The following MPV17 variants were observed in gnomAD, a reference collection of about 807,000 sequenced individuals.
MPV17 encodes the protein mitochondrial inner membrane protein MPV17, also known as MPV17, mitochondrial inner membrane protein.
In MPV17, 31 loss-of-function variants were observed where a neutral mutation model predicts 28.6. That is an observed-to-expected ratio of 1.08 (90% CI 0.81 to 1.46). MPV17 has a LOEUF of 1.46. MPV17 is among the 40% of genes most tolerant of loss of function. The pLI, the probability that MPV17 is intolerant of heterozygous loss-of-function variation, is 0.00. For missense variants in MPV17, 198 were observed against 216.2 expected (o/e 0.92, Z 0.53); for synonymous variants, 87 against 85.3 (o/e 1.02, Z -0.11).
intron 2 of MPV17, chr2:27,316,917 C>G (rs1172414586): frequency 6.0e-6 from 4 of 670,934 alleles, no homozygotes; most frequent in Non-Finnish European, 1.0e-5. Flanking sequence ...GCCGTCACTC[C>G]CGAACAGATC....
chr2:27,310,699 A>G (rs1679399522), intron 7 of MPV17, among the ~76,000 whole-genome samples: 1 of 152,106 alleles, frequency 6.6e-6, no homozygotes, highest in Non-Finnish European at 1.5e-5. Context: ...GTTGCAAAGG[A>G]CCCTAATGTT....
chr2:27,316,139 A>G (rs1679642235), intron 2 of MPV17: 5 of 1,551,016 alleles, frequency 3.2e-6, no homozygotes, highest in Non-Finnish European at 3.5e-6. Context: ...CCCAAATTCC[A>G]TCATTCTGCT....
intron 2 of MPV17, 132 bp downstream of exon 2, chr2:27,322,316 G>A (rs1679889800): frequency 3.6e-6 from 3 of 844,206 alleles, no homozygotes; most frequent in Middle Eastern, 2.2e-4. Context: ...TGGGGACAGT[G>A]TAGGATGAAA....
At chr2:27,315,907 G>C in intron 2 of MPV17, 16 of 1,432,016 alleles carry the variant, frequency 1.1e-5, no homozygotes, top group Non-Finnish European at 1.5e-5. Flanking sequence ...AGATGACTTG[G>C]TAAGGAGTGC....
intron 2 of MPV17, among the ~76,000 whole-genome samples, chr2:27,314,085 G>C (rs1030966886): frequency 1.3e-5 from 2 of 152,184 alleles, no homozygotes; most frequent in Admixed American, 6.5e-5. Context: ...GGCACTCTGG[G>C]AGGCTGAGGC....
chr2:27,310,150 G>A (rs894304116), intron 7 of MPV17, among the ~76,000 whole-genome samples, 169 bp from the exon 8 acceptor site: 2 of 152,144 alleles, frequency 1.3e-5, no homozygotes, highest in Admixed American at 6.5e-5. Flanking sequence ...TGTTGCCCAG[G>A]CTGGAGTGCA....
intron 2 of MPV17, chr2:27,315,853 C>G: frequency 7.6e-7 from 1 of 1,319,840 alleles, no homozygotes; most frequent in Non-Finnish European, 9.7e-7. Context: ...TGAGCCACGG[C>G]ACCCAGCCTA....
chr2:27,313,128 T>G lies in MPV17; in HGVS notation c.71-19A>C. On this transcript the variant is annotated intron_variant, in intron 2 of 7. Transcript: ENST00000380044. ...AGGGACCCTATGCAGGGTACACAGGTGTTGTCAGGACATCTCCTGGGATGG... is the reference window on the plus strand; with the variant it reads ...AGGGACCCTATGCAGGGTACACAGGGGTTGTCAGGACATCTCCTGGGATGG... The G allele has an allele frequency of 6.2e-7, 1 of 1,614,058 alleles. No individual in the cohort carries two copies. The highest frequency in any genetic ancestry group is 1.7e-4 in the Middle Eastern group (1 of 6,018).
At position 27,313,113 on chromosome 2, in the gene MPV17, T is replaced by A; in HGVS notation, c.71-4A>T. The A allele has an allele frequency of 1.2e-6, 2 of 1,614,168 alleles. No individual in the cohort carries two copies. Among genetic ancestry groups the A allele is most frequent in the Non-Finnish European group, 1.7e-6 (2 of 1,180,024 alleles). On this transcript the variant is annotated splice_region_variant and splice_polypyrimidine_tract_variant and intron_variant, in intron 2 of 7. Coordinates refer to ENST00000380044, the MANE Select transcript of MPV17 (RefSeq NM_002437.5). ...TCACCCAGGCCCATCAGGGACCCTATGCAGGGTACACAGGTGTTGTCAGGA... is the reference window on the plus strand; with the variant it reads ...TCACCCAGGCCCATCAGGGACCCTAAGCAGGGTACACAGGTGTTGTCAGGA...
chr2:27,315,314 A>G (rs1371209353), intron 2 of MPV17, among the ~76,000 whole-genome samples: 2 of 152,128 alleles, frequency 1.3e-5, no homozygotes, highest in African/African-American at 2.4e-5. Context: ...GTTTGCTCCC[A>G]CCCGCACCCG....
At chr2:27,318,663 A>G (rs561238180) in intron 2 of MPV17, among the ~76,000 whole-genome samples, 7 of 152,236 alleles carry the variant, frequency 4.6e-5, no homozygotes, top group African/African-American at 1.7e-4. Flanking sequence ...AAGTCTTTGG[A>G]ATCTTTGACC....
chr2:27,313,840 T>A (rs1679550476), intron 2 of MPV17, among the ~76,000 whole-genome samples: 2 of 152,162 alleles, frequency 1.3e-5, no homozygotes, highest in Non-Finnish European at 2.9e-5. Flanking sequence ...GCCTCTCAAG[T>A]AGCTGGGACT....
At chr2:27,311,541 AG>A (rs1679438931) in intron 7 of MPV17, 1 of 1,510,558 alleles carries the variant, frequency 6.6e-7, no homozygotes, top group African/African-American at 1.4e-5. Flanking sequence ...GTGTCTGACC[AG>A]GCTCCTACTT....
At chr2:27,319,829 C>T (rs1034575896) in intron 2 of MPV17, among the ~76,000 whole-genome samples, 1 of 149,858 alleles carries the variant, frequency 6.7e-6, no homozygotes, top group African/African-American at 2.5e-5. Context: ...AGGAGGCTGA[C>T]GCATGATAAT....
chr2:27,316,007 G>C, intron 2 of MPV17: 1 of 1,540,524 alleles, frequency 6.5e-7, no homozygotes, highest in Admixed American at 2.0e-5. Context: ...AGAGGTCAGT[G>C]GCACCAGGAG....
intron 2 of MPV17, among the ~76,000 whole-genome samples, chr2:27,314,079 C>T (rs1003986774): frequency 2.0e-5 from 3 of 152,278 alleles, no homozygotes. Flanking sequence ...AATCCCGGCA[C>T]TCTGGGAGGC....
chr2:27,314,959 G>T (rs1349916242), intron 2 of MPV17, among the ~76,000 whole-genome samples: 1 of 152,242 alleles, frequency 6.6e-6, no homozygotes, highest in Non-Finnish European at 1.5e-5. Context: ...TGGGGTTGGG[G>T]ATGGAAACCC....
chr2:27,318,918 C>G (rs1679756244), intron 2 of MPV17, among the ~76,000 whole-genome samples: 1 of 151,844 alleles, frequency 6.6e-6, no homozygotes, highest in South Asian at 2.1e-4. Flanking sequence ...GCACCCGCCA[C>G]CATGCCCAGC....
At chr2:27,319,227 G>A (rs1679765840) in intron 2 of MPV17, among the ~76,000 whole-genome samples, 1 of 151,906 alleles carries the variant, frequency 6.6e-6, no homozygotes, top group Non-Finnish European at 1.5e-5. Flanking sequence ...ATAAGCTTCA[G>A]GCTCTGCTTT....
Sources: allele counts gnomAD v4.1 joint callset (sites outside exome capture counted in the v4.1 genomes callset), GRCh38; gene constraint gnomAD v4.1.1; transcripts MANE v1.5; gene names NCBI Gene and HGNC (gene_info 2026-07-23, HGNC 2026-07-21).